UNC5D: variants seen among roughly 807,000 people sequenced by gnomAD.
UNC5D encodes netrin receptor UNC5D.
In UNC5D, 39 loss-of-function variants were observed where a neutral mutation model predicts 105.4. That is an observed-to-expected ratio of 0.37 (90% CI 0.29 to 0.48). The LOEUF (loss-of-function observed/expected upper bound fraction) is 0.48. Among genes scored for constraint, UNC5D ranks in the 20% least tolerant of loss-of-function variants. UNC5D has a pLI of 0.98. For missense variants in UNC5D, 991 were observed against 1,202.4 expected (o/e 0.82, Z 2.60); for synonymous variants, 452 against 450.4 (o/e 1.00, Z -0.04).
At chr8:35,628,357 T>A (rs1420293457) in intron 4 of UNC5D, among the ~76,000 whole-genome samples, 1 of 152,062 alleles carries the variant, frequency 6.6e-6, no homozygotes, top group Non-Finnish European at 1.5e-5. Context: ...TTGTCTTGAA[T>A]TCCTTACCTC....
At chr8:35,754,577 C>T (rs1205256457) in intron 13 of UNC5D, among the ~76,000 whole-genome samples, 4 of 152,236 alleles carry the variant, frequency 2.6e-5, no homozygotes, top group Middle Eastern at 3.4e-3. Flanking sequence ...CAAGAAGGAA[C>T]GTGTAGAGAC....
intron 1 of UNC5D, among the ~76,000 whole-genome samples, chr8:35,521,911 C>T (rs1813509296): frequency 6.6e-6 from 1 of 152,214 alleles, no homozygotes; most frequent in South Asian, 2.1e-4. Flanking sequence ...TGAACACATT[C>T]TCTATAGCCC....
Position 35,489,406 on chromosome 8 carries a change from A to ACATTCT in UNC5D, c.104-59886_104-59885insCATTCT, listed in dbSNP as rs1811051071. 3.9e-5 allele frequency among the ~76,000 whole-genome samples: 6 copies of ACATTCT among 152,290 alleles called. No homozygotes were observed. In the South Asian group the frequency reaches 1.2e-3, roughly 32 times the overall value. ...TCAGAATGTGATTGTGTTTTCAGAC[A>ACATTCT]GGGCATTTAAGAAGGTGATTAAGTT... On this transcript the variant is annotated intron_variant, in intron 1 of 16. Coordinates refer to ENST00000404895, the MANE Select transcript of UNC5D (RefSeq NM_080872.4).
intron 1 of UNC5D, among the ~76,000 whole-genome samples, chr8:35,358,554 G>C (rs563471399): frequency 6.6e-6 from 1 of 152,114 alleles, no homozygotes; most frequent in Non-Finnish European, 1.5e-5. Context: ...TTCATACCTA[G>C]GGTGATGGGT....
chr8:35,605,752 A>C (rs1332670956), intron 4 of UNC5D, among the ~76,000 whole-genome samples: 7 of 152,200 alleles, frequency 4.6e-5, no homozygotes, highest in Non-Finnish European at 8.8e-5. Context: ...AAGAAATAAA[A>C]ATTTATTTTC....
chr8:35,239,104 A>G (rs1158211981), intron 1 of UNC5D, among the ~76,000 whole-genome samples: 1 of 152,172 alleles, frequency 6.6e-6, no homozygotes, highest in East Asian at 1.9e-4. Flanking sequence ...TCTTTTAAGC[A>G]TCTCAGTTTT....
At chr8:35,539,445 T>C (rs1341693493) in intron 1 of UNC5D, among the ~76,000 whole-genome samples, 2 of 152,182 alleles carry the variant, frequency 1.3e-5, no homozygotes, top group African/African-American at 4.8e-5. Context: ...AATTTCTCAA[T>C]AGATAATAAC....
chr8:35,595,479 T>G, intron 3 of UNC5D, 75 bp from the exon 4 acceptor site: 2 of 1,352,404 alleles, frequency 1.5e-6, no homozygotes, highest in Non-Finnish European at 2.1e-6. Flanking sequence ...TAAGCTCACT[T>G]TTTTTGTACT....
intron 4 of UNC5D, among the ~76,000 whole-genome samples, chr8:35,677,687 T>C (rs1825343736): frequency 6.6e-6 from 1 of 152,018 alleles, no homozygotes; most frequent in Non-Finnish European, 1.5e-5. Flanking sequence ...AGTTCCACAG[T>C]TAAGTGTCTA....
intron 1 of UNC5D, among the ~76,000 whole-genome samples, chr8:35,532,048 T>G (rs1814421982): frequency 4.3e-5 from 6 of 140,102 alleles, no homozygotes; most frequent in African/African-American, 8.1e-5. Flanking sequence ...CCATTTACAT[T>G]TAAAGTTAAT....
At chr8:35,272,431 G>A (rs1226389227) in intron 1 of UNC5D, among the ~76,000 whole-genome samples, 2 of 152,156 alleles carry the variant, frequency 1.3e-5, no homozygotes, top group East Asian at 1.9e-4. Context: ...GAACTTCAAG[G>A]TCAATATCCT....
At chr8:35,598,573 A>G (rs1230838023) in intron 4 of UNC5D, among the ~76,000 whole-genome samples, 1 of 152,186 alleles carries the variant, frequency 6.6e-6, no homozygotes, top group African/African-American at 2.4e-5. Context: ...AATGAAATCA[A>G]TATGTAGAAG....
chr8:35,350,745 G>A (rs1006544400), intron 1 of UNC5D, among the ~76,000 whole-genome samples: 10 of 151,832 alleles, frequency 6.6e-5, no homozygotes, highest in South Asian at 2.1e-4. Flanking sequence ...TTAATAAACC[G>A]GGGGAATGGG....
At chr8:35,724,466 T>G (rs1302911242) in intron 9 of UNC5D, among the ~76,000 whole-genome samples, 1 of 152,128 alleles carries the variant, frequency 6.6e-6, no homozygotes, top group African/African-American at 2.4e-5. Flanking sequence ...GACTAGGGAC[T>G]TGAAAAAGGA....
chr8:35,686,515 A>C (rs779410320), intron 6 of UNC5D, 30 bp from the exon 7 acceptor site: 51 of 1,533,964 alleles, frequency 3.3e-5, no homozygotes, highest in Non-Finnish European at 4.4e-5. Context: ...GATTCATTCT[A>C]ACAATGGTTT....
chr8:35,428,556 A>C (rs1806408944), intron 1 of UNC5D, among the ~76,000 whole-genome samples: 1 of 151,596 alleles, frequency 6.6e-6, no homozygotes, highest in Non-Finnish European at 1.5e-5. Flanking sequence ...CTGAAGACAC[A>C]CTTTTCTTCT....
intron 7 of UNC5D, among the ~76,000 whole-genome samples, chr8:35,693,247 A>G (rs774707745): frequency 5.3e-5 from 8 of 152,202 alleles, no homozygotes; most frequent in Non-Finnish European, 1.0e-4. Context: ...CTCGATGGGC[A>G]CTTGCACTCA....
At chr8:35,351,908 G>T (rs1812266085) in intron 1 of UNC5D, among the ~76,000 whole-genome samples, 1 of 152,038 alleles carries the variant, frequency 6.6e-6, no homozygotes, top group African/African-American at 2.4e-5. Context: ...GTAGAAACAT[G>T]CATACATTGG....
chr8:35,519,429 C>T (rs527789655), intron 1 of UNC5D, among the ~76,000 whole-genome samples: 70 of 152,134 alleles, frequency 4.6e-4, no homozygotes, highest in African/African-American at 1.7e-3. Context: ...ATAAGCAGTA[C>T]CGAGTAGCTG....
Sources: allele counts gnomAD v4.1 joint callset (sites outside exome capture counted in the v4.1 genomes callset), GRCh38; gene constraint gnomAD v4.1.1; transcripts MANE v1.5; gene names NCBI Gene and HGNC (gene_info 2026-07-23, HGNC 2026-07-21).